The following DLST variants were observed in gnomAD, a reference collection of about 807,000 sequenced individuals.
DLST encodes the protein dihydrolipoamide S-succinyltransferase.
Under a neutral mutation model 53.1 loss-of-function variants are expected in DLST, and 17 were observed. The observed-to-expected ratio is 0.32, with a 90% CI of 0.22 to 0.48. The LOEUF (loss-of-function observed/expected upper bound fraction) is 0.48. Ranked by LOEUF, DLST falls within the 20% of genes least tolerant of loss-of-function variation. The pLI is 0.99. For synonymous variants in DLST, 206 were observed against 204.8 expected (o/e 1.01, Z -0.05); for missense variants, 512 against 583.9 (o/e 0.88, Z 1.27).
chr14:74,892,095 A>AT (rs1335682930), intron 7 of DLST: 2 of 155,432 alleles, frequency 1.3e-5, no homozygotes, highest in Non-Finnish European at 2.8e-5. Flanking sequence ...TGACTATTTT[A>AT]TTTTTTGAGA....
rs755094737 is a variant in DLST at position 74,881,980 on chromosome 14, T to A, written c.27T>A (p.Ser9=). Residue 9 remains serine (S), a synonymous_variant, in exon 1 of 15, where the codon TCT becomes TCA. Transcript: ENST00000334220. ...TGCTGTCCCGATCCCGCTGTGTGTC[T>A]CGGGCGTTCAGCCGCTCGCTCTCCG... is the stretch of plus-strand genomic sequence containing the variant. MLSRSRCV[S]RAFSRSLSAF... is the part of the protein sequence containing the mutation. 1.3e-6 allele frequency: 2 copies of A among 1,572,094 alleles called. No individual in the cohort carries two copies. Among genetic ancestry groups the A allele is most frequent in the Non-Finnish European group, 1.7e-6 (2 of 1,167,056 alleles).
intron 8 of DLST, among the ~76,000 whole-genome samples, 160 bp downstream of exon 8, chr14:74,893,146 A>G (rs1321254417): frequency 2.0e-5 from 3 of 152,196 alleles, no homozygotes; most frequent in African/African-American, 7.2e-5. Flanking sequence ...TTTGCATCTC[A>G]GCTTTCTGTT....
At position 74,892,828 on chromosome 14, in the gene DLST, T is replaced by G. The variant is rs777667961; in HGVS notation, c.443-6T>G. ...GCCAGTGGCATATACTTTTCTTGTT[T>G]TTCAGCTGCTCCTGCTAAGGCCAAG... On this transcript the variant is annotated splice_region_variant and splice_polypyrimidine_tract_variant and intron_variant, in intron 7 of 14. Coordinates refer to ENST00000334220, the MANE Select transcript of DLST (RefSeq NM_001933.5). 1.3e-6 allele frequency: 2 copies of G among 1,599,646 alleles called. No homozygotes were observed. Among genetic ancestry groups the G allele is most frequent in the Non-Finnish European group, 1.7e-6 (2 of 1,174,888 alleles).
intron 10 of DLST, among the ~76,000 whole-genome samples, chr14:74,898,110 G>A (rs556519169): frequency 4.6e-5 from 7 of 152,226 alleles, no homozygotes; most frequent in African/African-American, 1.4e-4. Flanking sequence ...ACTGAAATCT[G>A]TGACTTCTAG....
At chr14:74,882,122 A>C (rs1168627996) in intron 1 of DLST, 106 bp downstream of exon 1, 4 of 1,099,456 alleles carry the variant, frequency 3.6e-6, no homozygotes, top group African/African-American at 3.3e-5. Flanking sequence ...CCGGGCACCA[A>C]GGGCACTGGG....
intron 11 of DLST, 152 bp from the exon 12 acceptor site, chr14:74,899,771 G>T: frequency 1.7e-6 from 1 of 582,584 alleles, no homozygotes. Context: ...TGGAATGCCA[G>T]CTGCCATGCA....
At chr14:74,891,419 CTGGA>C in intron 7 of DLST, 1 of 1,155,448 alleles carries the variant, frequency 8.7e-7, no homozygotes, top group Non-Finnish European at 1.1e-6. Context: ...AGCTGAGAAA[CTGGA>C]CCTTTTCTTA....
Position 74,900,261 on chromosome 14 carries a change from A to G in DLST, c.976-28A>G, listed in dbSNP as rs760200212. Reference sequence around the variant, plus strand: ...CTATAAAAGGTACTATTAATTTGCAACTGAAAACAGCTTTTCACCCCCTTC... The same window carrying G: ...CTATAAAAGGTACTATTAATTTGCAGCTGAAAACAGCTTTTCACCCCCTTC... On this transcript the variant is annotated intron_variant, in intron 12 of 14. Coordinates refer to ENST00000334220, the MANE Select transcript of DLST (RefSeq NM_001933.5). The G allele has an allele frequency of 1.9e-6, 3 of 1,608,578 alleles. No homozygotes were observed. The South Asian group carries it at 3.3e-5, about 18-fold the overall frequency.
chr14:74,893,373 C>G lies in DLST; in HGVS notation c.621C>G (p.Ala207=), dbSNP rs763562282. The stretch of plus-strand genomic sequence containing the variant: ...TGTCTGCAGTAAAACCCACTGTTGC[C>G]CCACCACTAGCTGAGCCAGGAGCTG... ...KPVSAVKPTV[A]PPLAEPGAGK... Residue 207 remains alanine (A), a synonymous_variant, in exon 9 of 15, where the codon GCC becomes GCG. Coordinates refer to ENST00000334220, the MANE Select transcript of DLST (RefSeq NM_001933.5). The G allele has an allele frequency of 6.2e-7, 1 of 1,614,186 alleles. No homozygotes were observed. Among genetic ancestry groups the G allele is most frequent in the South Asian group, 1.1e-5 (1 of 91,078 alleles).
At chr14:74,882,476 G>A in intron 1 of DLST, 115 bp from the exon 2 acceptor site, 2 of 1,007,846 alleles carry the variant, frequency 2.0e-6, no homozygotes, top group Non-Finnish European at 3.1e-6. Flanking sequence ...TACCTTCGGA[G>A]TTACGAGATT....
At chr14:74,897,883 A>G (rs758281166) in intron 10 of DLST, among the ~76,000 whole-genome samples, 1 of 151,304 alleles carries the variant, frequency 6.6e-6, no homozygotes, top group Non-Finnish European at 1.5e-5. Context: ...TTTAGTCTCC[A>G]CTAATCAAGA....
intron 1 of DLST, 33 bp downstream of exon 1, chr14:74,882,049 T>A (rs1883534932): frequency 6.6e-7 from 1 of 1,508,472 alleles, no homozygotes. Context: ...CCCCGACGGG[T>A]GAGGAGTCTG....
Position 74,902,141 on chromosome 14 carries a change from G to C in DLST, c.1228-55G>C, listed in dbSNP as rs1884270764. 3.4e-6 allele frequency: 5 copies of C among 1,474,690 alleles called. No homozygotes were observed. The South Asian group carries it at 6.9e-5, about 20-fold the overall frequency. The allele number at this position is 1,474,690 out of a possible 1,614,324, so 91.4% of individuals were successfully genotyped here. Reference sequence around the variant, plus strand: ...TATGGGCTGTGCTAAATCTCCTTCAGCGAGGCTGGCTGTGGCTTGCTGGAG... The same window carrying C: ...TATGGGCTGTGCTAAATCTCCTTCACCGAGGCTGGCTGTGGCTTGCTGGAG... On this transcript the variant is annotated intron_variant, in intron 14 of 14. Transcript: ENST00000334220.
rs1883975496 is a variant in DLST, at chr14:74,893,395, G to T, written c.643G>T (p.Ala215Ser). 6.2e-7 allele frequency: 1 copy of T among 1,614,230 alleles called. No individual in the cohort carries two copies. Among genetic ancestry groups the T allele is most frequent in the Non-Finnish European group, 8.5e-7 (1 of 1,180,040 alleles). Residue 215 changes from alanine (A) to serine (S), a missense_variant, in exon 9 of 15, where the codon GCT becomes TCT. Physicochemically the swap from Ala to Ser is moderately conservative, Grantham distance 99 (BLOSUM62 1). Transcript: ENST00000334220. Reference sequence around the variant, plus strand: ...TGCCCCACCACTAGCTGAGCCAGGAGCTGGCAAAGGTCTGCGTTCAGAACA... The same window carrying T: ...TGCCCCACCACTAGCTGAGCCAGGATCTGGCAAAGGTCTGCGTTCAGAACA... ...TVAPPLAEPG[A>S]GKGLRSEHRE...
At chr14:74,891,389 C>A in intron 7 of DLST, 1 of 1,218,134 alleles carries the variant, frequency 8.2e-7, no homozygotes, top group Non-Finnish European at 1.0e-6. Context: ...CTGTTCTTTC[C>A]ATGGGTGTTT....
rs544757896 is a variant in DLST at position 74,888,971 on chromosome 14, A to T, written c.147-124A>T. The T allele has an allele frequency of 4.1e-5, 38 of 934,450 alleles. No homozygotes were observed. In the African/African-American group the frequency reaches 5.4e-4, roughly 13 times the overall value. The allele number at this position is 934,450 out of a possible 1,614,324, so 57.9% of individuals were successfully genotyped here. ...CTTTGAAAAAGTTCCTCCCCAAGTG[A>T]CACTGATGGACACCCCTGGTCAAGA... On this transcript the variant is annotated intron_variant, in intron 3 of 14. Coordinates refer to ENST00000334220, the MANE Select transcript of DLST (RefSeq NM_001933.5).
chr14:74,893,647 T>A (rs954896302), intron 9 of DLST, among the ~76,000 whole-genome samples: 23 of 152,326 alleles, frequency 1.5e-4, no homozygotes, highest in African/African-American at 4.6e-4. Context: ...TCCTACTATA[T>A]TATGCTACCA....
At position 74,900,217 on chromosome 14, in the gene DLST, G is replaced by C. The variant is rs1301775558; in HGVS notation, c.976-72G>C. On this transcript the variant is annotated intron_variant, in intron 12 of 14. Transcript: ENST00000334220. The stretch of plus-strand genomic sequence containing the variant: ...TTCTAGGGAGGGCATACCATGGGTT[G>C]AATCAAGGGAGTTGTTAACTATAAA... 3 of 1,413,322 alleles carry C rather than the reference G, an allele frequency of 2.1e-6. No individual in the cohort carries two copies. The East Asian group carries it at 6.8e-5, about 32-fold the overall frequency. The allele number at this position is 1,413,322 out of a possible 1,614,324, so 87.5% of individuals were successfully genotyped here. A position where few individuals can be genotyped will look rare whatever the true frequency, so the allele number is the denominator to read the frequency against.
intron 2 of DLST, among the ~76,000 whole-genome samples, chr14:74,882,976 G>GC (rs1300494413): frequency 2.6e-5 from 4 of 152,232 alleles, no homozygotes; most frequent in African/African-American, 9.6e-5. Context: ...GGACAGAAGA[G>GC]CCCTTTTTGA....
Sources: allele counts gnomAD v4.1 joint callset (sites outside exome capture counted in the v4.1 genomes callset), GRCh38; gene constraint gnomAD v4.1.1; transcripts MANE v1.5; gene names NCBI Gene and HGNC (gene_info 2026-07-23, HGNC 2026-07-21).